Variants in HMGCLL1 observed in about 807,000 individuals in gnomAD.
HMGCLL1 encodes the protein 3-hydroxymethyl-3-methylglutaryl-CoA lyase, cytoplasmic.
A neutral mutation model predicts 39.1 loss-of-function variants in HMGCLL1; 36 were observed. The observed-to-expected ratio is 0.92, with a 90% CI of 0.71 to 1.22. HMGCLL1 has a LOEUF of 1.22. Among genes scored for constraint, HMGCLL1 ranks in the 50% most tolerant of loss-of-function variants. The pLI is 0.00. For missense variants in HMGCLL1, 451 were observed against 416.5 expected, an observed-to-expected ratio of 1.08 and a Z score of -0.72; for synonymous variants, 149 against 144.0, an observed-to-expected ratio of 1.03 and a Z score of -0.25.
the HMGCLL1 span, among the ~76,000 whole-genome samples, chr6:55,631,323 G>T: frequency 6.6e-6 from 1 of 151,684 alleles, no homozygotes; most frequent in African/African-American, 2.4e-5. Context: ...ATGCATAGTT[G>T]TTCAATTTGG....
At chr6:55,601,608 T>C in the HMGCLL1 span, among the ~76,000 whole-genome samples, 17 of 152,278 alleles carry the variant, frequency 1.1e-4, no homozygotes, top group South Asian at 3.3e-3. Flanking sequence ...ATTGCGGTCA[T>C]TTTTTAAATC....
chr6:55,586,407 T>TTTA, the HMGCLL1 span, among the ~76,000 whole-genome samples: 2 of 148,584 alleles, frequency 1.3e-5, no homozygotes, highest in Non-Finnish European at 3.0e-5. Flanking sequence ...GTTTTTTTTT[T>TTTA]ATTATACTTT....
the HMGCLL1 span, among the ~76,000 whole-genome samples, chr6:55,588,826 A>T: frequency 6.6e-6 from 1 of 151,976 alleles, no homozygotes; most frequent in East Asian, 1.9e-4. Flanking sequence ...TAAATTCTTC[A>T]ACACATACAC....
chr6:55,624,537 C>CAGAGGGACCTCTGAATA, the HMGCLL1 span, among the ~76,000 whole-genome samples: 1 of 152,186 alleles, frequency 6.6e-6, no homozygotes, highest in African/African-American at 2.4e-5. Context: ...TAATCTTATT[C>CAGAGGGACCTCTGAATA]AGAGGGACCT....
intron 1 of HMGCLL1, among the ~76,000 whole-genome samples, chr6:55,568,278 T>C (rs574685341): frequency 7.8e-4 from 119 of 152,272 alleles, no homozygotes; most frequent in African/African-American, 2.6e-3. Flanking sequence ...AAAGGGAAGA[T>C]GGCAACCTTC....
the HMGCLL1 span, among the ~76,000 whole-genome samples, chr6:55,606,761 T>A: frequency 6.6e-6 from 1 of 152,160 alleles, no homozygotes; most frequent in Non-Finnish European, 1.5e-5. Flanking sequence ...AAAGGGACTT[T>A]ACGCATGTGA....
At chr6:55,621,204 G>T in the HMGCLL1 span, among the ~76,000 whole-genome samples, 1 of 152,116 alleles carries the variant, frequency 6.6e-6, no homozygotes. Flanking sequence ...ATCTGTAGAT[G>T]GCCTTGGGTA....
At chr6:55,586,588 C>CCTGTG in the HMGCLL1 span, among the ~76,000 whole-genome samples, 1 of 146,418 alleles carries the variant, frequency 6.8e-6, no homozygotes, top group Non-Finnish European at 1.5e-5. Flanking sequence ...TGTTCCCCTT[C>CCTGTG]CTGTGTCCAT....
At chr6:55,583,929 C>G (rs1289136048), upstream of HMGCLL1, among the ~76,000 whole-genome samples, 1 of 152,116 alleles carries the variant, frequency 6.6e-6, no homozygotes, top group African/African-American at 2.4e-5. Context: ...TTTACTTTCT[C>G]AACCACAGAA....
At chr6:55,491,679 A>G (rs1766317877) in intron 7 of HMGCLL1, among the ~76,000 whole-genome samples, 1 of 152,138 alleles carries the variant, frequency 6.6e-6, no homozygotes, top group South Asian at 2.1e-4. Context: ...GGTACTTGGC[A>G]GAAGGGTGAA....
intron 7 of HMGCLL1, among the ~76,000 whole-genome samples, chr6:55,479,900 C>T (rs1353797247): frequency 2.6e-5 from 4 of 151,640 alleles, no homozygotes; most frequent in Non-Finnish European, 5.9e-5. Context: ...TCTTGGGTTA[C>T]TAAGAAGCTC....
rs192572465 is a variant in HMGCLL1 at position 55,523,534 on chromosome 6, A to G, written c.298-6931T>C. ...ATTTAATTCCTTAGGTTGCTATATT[A>G]TATTTTTTTATGTACAAATCCAGGC... On this transcript the variant is annotated intron_variant, in intron 3 of 8. Transcript: ENST00000274901. 1.2e-4 allele frequency among the ~76,000 whole-genome samples: 19 copies of G among 152,078 alleles called. No homozygotes were observed. In the East Asian group the frequency reaches 3.7e-3, roughly 29 times the overall value.
chr6:55,473,192 A>G (rs867159124), intron 7 of HMGCLL1, among the ~76,000 whole-genome samples: 77 of 151,470 alleles, frequency 5.1e-4, no homozygotes, highest in African/African-American at 1.8e-3. Context: ...TTGCTTTTAA[A>G]ATCCGCTGGC....
At chr6:55,613,802 G>C in the HMGCLL1 span, among the ~76,000 whole-genome samples, 1 of 151,966 alleles carries the variant, frequency 6.6e-6, no homozygotes, top group Non-Finnish European at 1.5e-5. Context: ...GGAGAGTATT[G>C]GGTCAAATAG....
intron 1 of HMGCLL1, among the ~76,000 whole-genome samples, chr6:55,558,948 T>G (rs765610527): frequency 9.2e-5 from 14 of 152,200 alleles, no homozygotes; most frequent in Non-Finnish European, 1.3e-4. Context: ...TATCTAAATC[T>G]GATTTCCACC....
chr6:55,588,128 T>G, the HMGCLL1 span, among the ~76,000 whole-genome samples: 1 of 152,064 alleles, frequency 6.6e-6, no homozygotes, highest in Non-Finnish European at 1.5e-5. Flanking sequence ...ACCACACCTA[T>G]TCCAAAATTG....
chr6:55,631,635 A>C, the HMGCLL1 span, among the ~76,000 whole-genome samples: 3 of 152,120 alleles, frequency 2.0e-5, no homozygotes, highest in African/African-American at 4.8e-5. Flanking sequence ...TTTCTAGAAC[A>C]ATTGTCTTAG....
upstream of HMGCLL1, among the ~76,000 whole-genome samples, chr6:55,580,761 A>G (rs1418403580): frequency 1.3e-5 from 2 of 152,104 alleles, no homozygotes; most frequent in Non-Finnish European, 2.9e-5. Context: ...AAGTGAAGTT[A>G]TCCAATTCCT....
chr6:55,628,370 G>C, the HMGCLL1 span, among the ~76,000 whole-genome samples: 1 of 148,586 alleles, frequency 6.7e-6, no homozygotes, highest in Admixed American at 6.9e-5. Context: ...GGCACAACTT[G>C]GGCTCACTGC....
Sources: gnomAD v4.1 joint callset for allele counts (sites outside exome capture counted in the v4.1 genomes callset) on GRCh38, gnomAD v4.1.1 for gene constraint, MANE v1.5 for transcripts, NCBI Gene and HGNC (gene_info 2026-07-23, HGNC 2026-07-21) for gene names.